ARHGAP35: variants seen among roughly 807,000 people sequenced by gnomAD.
The protein encoded by ARHGAP35 is rho GTPase-activating protein 35.
In ARHGAP35, 15 loss-of-function variants were observed where a neutral mutation model predicts 111.1. That is an observed-to-expected ratio of 0.13 (90% CI 0.09 to 0.21). The LOEUF is 0.21. Among genes scored for constraint, ARHGAP35 ranks in the 10% least tolerant of loss-of-function variants. The probability of loss-of-function intolerance (pLI) is 1.00; values close to 1 mark genes in which losing one functional copy is unlikely to be tolerated. For missense variants in ARHGAP35, 1,262 were observed against 1,873.0 expected (o/e 0.67, Z 6.02); for synonymous variants, 643 against 710.3 (o/e 0.91, Z 1.51).
intron 3 of ARHGAP35, among the ~76,000 whole-genome samples, chr19:46,966,660 C>A (rs1461668269): frequency 6.6e-6 from 1 of 152,026 alleles, no homozygotes. Flanking sequence ...GTAGTCATTA[C>A]AGTTGTTTGT....
intron 1 of ARHGAP35, among the ~76,000 whole-genome samples, chr19:46,909,136 C>CA (rs1568464814): frequency 6.6e-6 from 1 of 151,686 alleles, no homozygotes; most frequent in South Asian, 2.1e-4. Context: ...CTCATCTCTA[C>CA]AAAAAAAATT....
At chr19:46,928,458 C>T (rs1463809714) in intron 2 of ARHGAP35, among the ~76,000 whole-genome samples, 1 of 152,156 alleles carries the variant, frequency 6.6e-6, no homozygotes, top group Non-Finnish European at 1.5e-5. Flanking sequence ...TAAGAACTGA[C>T]CCATAGCGTT....
At position 46,994,275 on chromosome 19, in the gene ARHGAP35, A is replaced by G. The variant is rs899453295; in HGVS notation, c.4036+4600A>G. Among the ~76,000 whole-genome samples the G allele has an allele frequency of 3.4e-4, 52 of 152,028 alleles. No individual in the cohort carries two copies. Among genetic ancestry groups the G allele is most frequent in the African/African-American group, 1.2e-3 (51 of 41,378 alleles). ...GTGTAGACACCTGGCCGGGCGGGCT[A>G]CCTATTGAAGCTGGGGGTCCCTGTA... On this transcript the variant is annotated intron_variant, in intron 5 of 6. Transcript: ENST00000672722. The surrounding 1 kb of genome is among the most constrained non-coding windows in gnomAD (Gnocchi z 5.4).
At chr19:46,931,928 C>T in intron 2 of ARHGAP35, among the ~76,000 whole-genome samples, 1 of 152,170 alleles carries the variant, frequency 6.6e-6, no homozygotes, top group East Asian at 1.9e-4. Context: ...AGAGCAGCTA[C>T]CACCATGCCC....
chr19:46,975,307 G>T (rs1306963393), intron 3 of ARHGAP35, among the ~76,000 whole-genome samples: 4 of 152,156 alleles, frequency 2.6e-5, no homozygotes, highest in Admixed American at 1.3e-4. Flanking sequence ...ATCCCCTCCT[G>T]CAGGGGTCCT....
chr19:46,868,544 G>A (rs2055870362), intron 1 of ARHGAP35, among the ~76,000 whole-genome samples: 1 of 152,170 alleles, frequency 6.6e-6, no homozygotes, highest in South Asian at 2.1e-4. Flanking sequence ...TACACCACAA[G>A]TACCAGCTTG....
intron 1 of ARHGAP35, among the ~76,000 whole-genome samples, chr19:46,872,873 T>TC (rs1361643324): frequency 8.4e-6 from 1 of 119,096 alleles, no homozygotes; most frequent in East Asian, 2.1e-4. Context: ...AGAGCAAGAC[T>TC]CCGTCTCAAA....
intron 3 of ARHGAP35, among the ~76,000 whole-genome samples, chr19:46,978,848 G>A (rs1599861358): frequency 7.7e-6 from 1 of 129,646 alleles, no homozygotes; most frequent in African/African-American, 3.0e-5. Flanking sequence ...TTTGTGTGGT[G>A]GGGTGTGTGT....
Position 46,918,919 on chromosome 19 carries a change from T to C in ARHGAP35, c.244T>C (p.Ser82Pro), listed in dbSNP as rs2056179893. 1 of 1,613,840 alleles carries C rather than the reference T, an allele frequency of 6.2e-7. No individual in the cohort carries two copies. The highest frequency in any genetic ancestry group is 8.5e-7 in the Non-Finnish European group (1 of 1,179,896). ...TCTCTACTGGGGAGAAGTTAGCCGC[T>C]CCCTGGAGGATTGTGTGGAATGTAA... is the stretch of plus-strand genomic sequence containing the variant. ...HFLYWGEVSR[S>P]LEDCVECKMH... The change falls in exon 2 of 7, where the codon TCC (serine) becomes CCC (proline). Residue 82 changes from serine to proline, a missense_variant. Around this residue, in one of 8 missense-constraint regions of ARHGAP35, gnomAD observed 125 missense variants for 301.7 expected, o/e 0.41. Transcript: ENST00000672722. This position sits in a 1 kb window ranked among gnomAD's most constrained non-coding sequence, Gnocchi z 5.4.
At chr19:46,898,330 C>G (rs192227180) in intron 1 of ARHGAP35, among the ~76,000 whole-genome samples, 1 of 151,304 alleles carries the variant, frequency 6.6e-6, no homozygotes, top group Admixed American at 6.6e-5. Flanking sequence ...CACAAAAACT[C>G]GATTTAGTCA....
rs1451944188 is a variant in ARHGAP35 at position 46,988,131 on chromosome 19, T to C, written c.3904+65T>C. On this transcript the variant is annotated intron_variant, in intron 4 of 6. Coordinates refer to ENST00000672722, the MANE Select transcript of ARHGAP35 (RefSeq NM_004491.5). This position sits in a 1 kb window ranked among gnomAD's most constrained non-coding sequence, Gnocchi z 5.4. ...GTCAAGGCAGACACAGCTGCCTCGG[T>C]GAACTGTCTGTGGGGCTTCGGAGCA... is the stretch of plus-strand genomic sequence containing the variant. 4 of 1,491,172 alleles carry C rather than the reference T, an allele frequency of 2.7e-6. No individual in the cohort carries two copies. The highest frequency in any genetic ancestry group is 3.7e-6 in the Non-Finnish European group (4 of 1,081,654). 92.4% of individuals were successfully genotyped at this position (1,491,172 alleles called of 1,614,324 possible). A position where few individuals can be genotyped will look rare whatever the true frequency, so the allele number is the denominator to read the frequency against.
At chr19:46,888,769 A>G (rs1599800406) in intron 1 of ARHGAP35, among the ~76,000 whole-genome samples, 1 of 148,610 alleles carries the variant, frequency 6.7e-6, no homozygotes, top group East Asian at 2.0e-4. Context: ...TGAGGCGGGC[A>G]GATCACTAGG....
At chr19:46,977,878 G>C (rs1266177018) in intron 3 of ARHGAP35, among the ~76,000 whole-genome samples, 1 of 152,262 alleles carries the variant, frequency 6.6e-6, no homozygotes, top group Non-Finnish European at 1.5e-5. Flanking sequence ...GGGTGAGACA[G>C]TGCATGTAAA....
At chr19:46,941,405 T>C (rs535562901) in intron 3 of ARHGAP35, among the ~76,000 whole-genome samples, 1 of 152,000 alleles carries the variant, frequency 6.6e-6, no homozygotes, top group East Asian at 2.0e-4. Context: ...TATACATTAA[T>C]TGATTATTGT....
At chr19:46,873,999 C>A (rs972598480) in intron 1 of ARHGAP35, among the ~76,000 whole-genome samples, 2 of 152,150 alleles carry the variant, frequency 1.3e-5, no homozygotes, top group African/African-American at 4.8e-5. Flanking sequence ...CTGCCCGCTT[C>A]AGCCTCCCAA....
chr19:46,906,528 G>A (rs1040837779), intron 1 of ARHGAP35, among the ~76,000 whole-genome samples: 1 of 152,190 alleles, frequency 6.6e-6, no homozygotes, highest in Admixed American at 6.5e-5. Flanking sequence ...AGATTGTATA[G>A]AAAAGTGTAT....
rs983411735 is a variant in ARHGAP35 at position 46,950,777 on chromosome 19, A to G, written c.3826+13369A>G. On this transcript the variant is annotated intron_variant, in intron 3 of 6. Transcript: ENST00000672722. ...GTTTTGCATTGAGTCTGTGGTTTGC[A>G]CACATCTTGATGACCCCATGGTTTT... Among the ~76,000 whole-genome samples, 4 of 152,104 alleles carry G rather than the reference A, an allele frequency of 2.6e-5. No homozygotes were observed. In the East Asian group the frequency reaches 7.7e-4, roughly 29 times the overall value.
At chr19:46,867,434 A>G (rs943229383) in intron 1 of ARHGAP35, among the ~76,000 whole-genome samples, 1 of 152,330 alleles carries the variant, frequency 6.6e-6, no homozygotes, top group Non-Finnish European at 1.5e-5. Context: ...CCTATGATGT[A>G]AAGAACATTG....
In ARHGAP35 at chr19:46,942,605, C is replaced by G. The variant is rs1384770630; in HGVS notation, c.3826+5197C>G. ...TGAGCCGAGATCGCACCACTGCACT[C>G]CAGCCTGGGCGACAAAGTAAGACTC... On this transcript the variant is annotated intron_variant, in intron 3 of 6. Transcript: ENST00000672722. Among the ~76,000 whole-genome samples the G allele has an allele frequency of 3.9e-5, 6 of 152,044 alleles. 1 individual carries two copies. The highest frequency in any genetic ancestry group is 1.4e-4 in the African/African-American group (6 of 41,386).
Sources: gnomAD v4.1 joint callset for allele counts (sites outside exome capture counted in the v4.1 genomes callset) on GRCh38, gnomAD v4.1.1 for gene constraint, gnomAD v4.1.1 regional missense constraint, Gnocchi (gnomAD v3.1) non-coding constraint, MANE v1.5 for transcripts, NCBI Gene and HGNC (gene_info 2026-07-23, HGNC 2026-07-21) for gene names.